DIS3L: variants seen among roughly 807,000 people sequenced by gnomAD.
The protein encoded by DIS3L is DIS3-like exonuclease 1.
DIS3L carries 100 observed loss-of-function variants against 120.3 expected under a neutral mutation model. The observed-to-expected ratio is 0.83, with a 90% CI of 0.71 to 0.98. The LOEUF (loss-of-function observed/expected upper bound fraction) is 0.98, where lower values mean the gene tolerates loss of function less well. Among genes scored for constraint, DIS3L ranks in the 50% least tolerant of loss-of-function variants. DIS3L has a pLI of 0.00. For missense variants in DIS3L, 1,196 were observed against 1,314.2 expected, an observed-to-expected ratio of 0.91 and a Z score of 1.39; for synonymous variants, 426 against 470.6, an observed-to-expected ratio of 0.91 and a Z score of 1.23.
intron 2 of DIS3L, among the ~76,000 whole-genome samples, chr15:66,301,180 G>A (rs759366437): frequency 8.5e-5 from 13 of 152,160 alleles, no homozygotes; most frequent in Non-Finnish European, 1.3e-4. Flanking sequence ...CTGCCCCTCT[G>A]AGAAATTGCT....
chr15:66,294,778 G>T (rs935276270), intron 1 of DIS3L, among the ~76,000 whole-genome samples: 1 of 152,088 alleles, frequency 6.6e-6, no homozygotes, highest in Non-Finnish European at 1.5e-5. Flanking sequence ...CATAAACCAC[G>T]TTGAGCTTGT....
chr15:66,293,533 T>TCCGAGG (rs1566929142), upstream of DIS3L: 1 of 1,328,904 alleles, frequency 7.5e-7, no homozygotes. Context: ...GAGGGGCGGG[T>TCCGAGG]CCGAGGCCGC....
At chr15:66,297,015 G>A (rs1263263301) in intron 2 of DIS3L, among the ~76,000 whole-genome samples, 1 of 151,204 alleles carries the variant, frequency 6.6e-6, no homozygotes, top group East Asian at 1.9e-4. Flanking sequence ...ATTTGAGACT[G>A]GTCTTTAAGG....
intron 2 of DIS3L, among the ~76,000 whole-genome samples, chr15:66,304,356 G>A (rs2092681344): frequency 6.6e-6 from 1 of 152,012 alleles, no homozygotes; most frequent in African/African-American, 2.4e-5. Context: ...AGGAGGCTGA[G>A]GTGGGAGGAT....
intron 2 of DIS3L, among the ~76,000 whole-genome samples, chr15:66,299,210 G>A (rs1042447697): frequency 6.6e-6 from 1 of 152,186 alleles, no homozygotes; most frequent in Non-Finnish European, 1.5e-5. Flanking sequence ...GGATGTCAGG[G>A]AAAACTTTTA....
rs1002490263 is a variant in DIS3L at position 66,326,557 on chromosome 15, G to A, written c.2201+193G>A. On this transcript the variant is annotated intron_variant, in intron 12 of 16. Transcript: ENST00000319212. ...TAGAGACTTAAAACAAGTTTATTTA[G>A]GCATAATTTTGTTCCTTGGTTTTTT... 2.0e-5 allele frequency: 13 copies of A among 650,380 alleles called. 1 individual carries two copies. The Admixed American group carries it at 4.2e-4, about 21-fold the overall frequency. 40.3% of individuals were successfully genotyped at this position (650,380 alleles called of 1,614,324 possible). A position where few individuals can be genotyped will look rare whatever the true frequency, so the allele number is the denominator to read the frequency against.
At chr15:66,332,456 CA>C (rs369684200) in intron 15 of DIS3L, among the ~76,000 whole-genome samples, 103 of 78,420 alleles carry the variant, frequency 1.3e-3, no homozygotes, top group African/African-American at 3.1e-3. Context: ...GACTCTGTCT[CA>C]AAAAAAAAAA....
At position 66,322,732 on chromosome 15, in the gene DIS3L, A is replaced by G; in HGVS notation, c.1372A>G (p.Ser458Gly). ...VNTPESPWKV[S>G]PEEEQKRKDL... is the part of the protein sequence containing the mutation. Reference sequence around the variant, plus strand: ...CACACCAGAAAGTCCCTGGAAGGTGAGTCCTGAAGAGGAACAAAAACGTAA... The same window carrying G: ...CACACCAGAAAGTCCCTGGAAGGTGGGTCCTGAAGAGGAACAAAAACGTAA... Residue 458 changes from serine to glycine, a missense_variant, in exon 10 of 17, where the codon AGT (serine) becomes GGT (glycine). Transcript: ENST00000319212. The G allele has an allele frequency of 6.2e-7, 1 of 1,614,222 alleles. No homozygotes were observed. The highest frequency in any genetic ancestry group is 8.5e-7 in the Non-Finnish European group (1 of 1,180,038).
chr15:66,313,779 A>G (rs563547875), intron 5 of DIS3L, among the ~76,000 whole-genome samples: 170 of 125,908 alleles, frequency 1.4e-3, no homozygotes, highest in African/African-American at 3.4e-3. Flanking sequence ...GTATATATAT[A>G]TGTGTGTGTG....
Position 66,329,016 on chromosome 15 carries a change from C to T in DIS3L, c.2248C>T (p.His750Tyr), listed in dbSNP as rs969420774. Residue 750 changes from histidine to tyrosine, a missense_variant, in exon 13 of 17, where the codon CAC becomes TAC. Coordinates refer to ENST00000319212, the MANE Select transcript of DIS3L (RefSeq NM_001143688.3). ...TTCTCTGGATAATGCGAACGACCCC[C>T]ACGATCCCATTGTGAACAGGCTACT... is the stretch of plus-strand genomic sequence containing the variant. ...ADSLDNANDPHDPIVNRLLRS... is the reference protein window; with the variant it reads ...ADSLDNANDPYDPIVNRLLRS... The T allele has an allele frequency of 1.2e-6, 2 of 1,614,022 alleles. No individual in the cohort carries two copies. The highest frequency in any genetic ancestry group is 2.2e-5 in the East Asian group (1 of 44,900).
intron 8 of DIS3L, 131 bp downstream of exon 8, chr15:66,318,749 G>T: frequency 1.0e-6 from 1 of 1,001,022 alleles, no homozygotes; most frequent in East Asian, 2.7e-5. Context: ...ATGGCATCTG[G>T]CATTCCAAGA....
At chr15:66,306,174 T>TA (rs2092700745) in intron 2 of DIS3L, among the ~76,000 whole-genome samples, 3 of 152,166 alleles carry the variant, frequency 2.0e-5, no homozygotes, top group Admixed American at 2.0e-4. Context: ...AGGGTCTCCT[T>TA]ATGTTGCCCA....
At position 66,304,133 on chromosome 15, in the gene DIS3L, T is replaced by C. The variant is rs192015102; in HGVS notation, c.294-2691T>C. On this transcript the variant is annotated intron_variant, in intron 2 of 16. Transcript: ENST00000319212. ...AAAAACAATATGGCATAGACTCTTC[T>C]AAGAGGCTTTTAAAATAAGTTTTAA... is the stretch of plus-strand genomic sequence containing the variant. 4.2e-5 allele frequency among the ~76,000 whole-genome samples: 6 copies of C among 143,060 alleles called. No individual in the cohort carries two copies. In the South Asian group the frequency reaches 6.9e-4, roughly 16 times the overall value. The allele number at this position is 143,060 out of a possible 152,430, so 93.9% of individuals were successfully genotyped here.
rs757181386 is a variant in DIS3L, at chr15:66,320,551, T to C, written c.1165-20T>C. ...TAACTCCTGGTGCTCAGCTGTGTTT[T>C]ATTTTTTCCTTTTGTGCAGGACTTC... On this transcript the variant is annotated intron_variant, in intron 8 of 16. Transcript: ENST00000319212. The C allele has an allele frequency of 9.4e-5, 151 of 1,604,180 alleles. No homozygotes were observed. Among genetic ancestry groups the C allele is most frequent in the Non-Finnish European group, 1.2e-4 (139 of 1,175,666 alleles).
chr15:66,332,485 A>C (rs1429529929), intron 15 of DIS3L, among the ~76,000 whole-genome samples: 2 of 109,748 alleles, frequency 1.8e-5, no homozygotes, highest in Non-Finnish European at 3.9e-5. Context: ...TGAAGACTGG[A>C]GTGTGTGTGT....
chr15:66,317,387 T>C (rs891525828), intron 7 of DIS3L, among the ~76,000 whole-genome samples: 1 of 151,564 alleles, frequency 6.6e-6, no homozygotes, highest in African/African-American at 2.4e-5. Flanking sequence ...TTTTTAATTA[T>C]TAAAGTTTGG....
At chr15:66,293,538 G>C (rs2092544807), upstream of DIS3L, 1 of 1,345,380 alleles carries the variant, frequency 7.4e-7, no homozygotes, top group Non-Finnish European at 9.5e-7. Flanking sequence ...GCGGGTCCGA[G>C]GCCGCGGCCT....
intron 6 of DIS3L, 148 bp from the exon 7 acceptor site, chr15:66,314,888 A>G: frequency 1.3e-6 from 1 of 760,582 alleles, no homozygotes; most frequent in Non-Finnish European, 2.1e-6. Flanking sequence ...CCTAACCTGC[A>G]GAACAAAAGT....
rs768068468 is a variant in DIS3L, at chr15:66,308,806, G to A, written c.520G>A (p.Gly174Arg). The A allele has an allele frequency of 1.2e-6, 2 of 1,613,344 alleles. No homozygotes were observed. Among genetic ancestry groups the A allele is most frequent in the Non-Finnish European group, 1.7e-6 (2 of 1,179,648 alleles). ...TEDEEAIQQYGSETEGVFVIT... is the reference protein window; with the variant it reads ...TEDEEAIQQYRSETEGVFVIT... Reference sequence around the variant, plus strand: ...AGATGAAGAGGCAATTCAGCAGTATGGAAGTGAAACAGAAGGAGTATTCGT... The same window carrying A: ...AGATGAAGAGGCAATTCAGCAGTATAGAAGTGAAACAGAAGGAGTATTCGT... Residue 174 changes from glycine (G) to arginine (R), a missense_variant, in exon 4 of 17, where the codon GGA (glycine) becomes AGA (arginine). By Grantham distance (125) the Gly-to-Arg change is moderately radical (BLOSUM62 -2). Transcript: ENST00000319212.
Sources: gnomAD v4.1 joint callset for allele counts (sites outside exome capture counted in the v4.1 genomes callset) on GRCh38, gnomAD v4.1.1 for gene constraint, MANE v1.5 for transcripts, NCBI Gene and HGNC (gene_info 2026-07-23, HGNC 2026-07-21) for gene names.